Variants in STARD13 observed in about 807,000 individuals in gnomAD.
STARD13 encodes the protein stAR-related lipid transfer protein 13.
Under a neutral mutation model 106.4 loss-of-function variants are expected in STARD13, and 62 were observed. That is an observed-to-expected ratio of 0.58 (90% confidence interval 0.48 to 0.72). STARD13 has a LOEUF of 0.72. STARD13 is among the 30% of genes least tolerant of loss of function. The probability of loss-of-function intolerance (pLI) is 0.00; values close to 1 mark genes in which losing one functional copy is unlikely to be tolerated. For synonymous variants in STARD13, 565 were observed against 553.0 expected (o/e 1.02, Z -0.31); for missense variants, 1,387 against 1,424.0 (o/e 0.97, Z 0.42).
chr13:33,262,289 A>G (rs2138327598), intron 1 of STARD13, among the ~76,000 whole-genome samples: 1 of 152,282 alleles, frequency 6.6e-6, no homozygotes, highest in African/African-American at 2.4e-5. Flanking sequence ...TCAGGTGTCA[A>G]TGGGAAGCTG....
chr13:33,438,532 T>C, the STARD13 span, among the ~76,000 whole-genome samples: 3 of 152,246 alleles, frequency 2.0e-5, no homozygotes, highest in African/African-American at 7.2e-5. Context: ...TTATGCATAG[T>C]TGATGCTACA....
chr13:33,493,262 C>T, the STARD13 span, among the ~76,000 whole-genome samples: 1 of 152,116 alleles, frequency 6.6e-6, no homozygotes, highest in East Asian at 1.9e-4. Flanking sequence ...TCACACAACC[C>T]CTACTTTAGA....
At chr13:33,344,140 C>A (rs914493611), downstream of STARD13, among the ~76,000 whole-genome samples, 5 of 152,082 alleles carry the variant, frequency 3.3e-5, no homozygotes, top group African/African-American at 9.7e-5. Flanking sequence ...ATATGGATAC[C>A]AAGACCCCAT....
intron 1 of STARD13, among the ~76,000 whole-genome samples, chr13:33,270,987 C>T (rs985232374): frequency 1.3e-5 from 2 of 152,188 alleles, no homozygotes; most frequent in Admixed American, 6.5e-5. Context: ...TCATCAATCT[C>T]TTTATGTAAA....
At chr13:33,270,231 G>T (rs1160126177) in intron 1 of STARD13, among the ~76,000 whole-genome samples, 1 of 152,138 alleles carries the variant, frequency 6.6e-6, no homozygotes, top group Non-Finnish European at 1.5e-5. Flanking sequence ...GTGAGACTCG[G>T]CCTAAAACAA....
At chr13:33,594,088 A>G in the STARD13 span, among the ~76,000 whole-genome samples, 1 of 151,888 alleles carries the variant, frequency 6.6e-6, no homozygotes, top group South Asian at 2.1e-4. Flanking sequence ...TTGTATTTTC[A>G]GTAGAGATAG....
intron 1 of STARD13, among the ~76,000 whole-genome samples, chr13:33,331,526 A>ATTTTTTTTTTT (rs35827468): frequency 2.3e-5 from 3 of 130,828 alleles, no homozygotes; most frequent in Non-Finnish European, 3.2e-5. Flanking sequence ...CTGATTTTGT[A>ATTTTTTTTTTT]TTTTTTTTTT....
chr13:33,520,874 T>A, the STARD13 span, among the ~76,000 whole-genome samples: 1 of 152,134 alleles, frequency 6.6e-6, no homozygotes, highest in African/African-American at 2.4e-5. Flanking sequence ...CCAGCTAAAG[T>A]ACAGGCTCAT....
At chr13:33,248,339 T>C (rs1352517057) in intron 1 of STARD13, among the ~76,000 whole-genome samples, 2 of 152,014 alleles carry the variant, frequency 1.3e-5, no homozygotes, top group Non-Finnish European at 2.9e-5. Flanking sequence ...CTTCTCTCTC[T>C]AAAAAAAAGA....
chr13:33,625,401 C>G, the STARD13 span, among the ~76,000 whole-genome samples: 2 of 151,938 alleles, frequency 1.3e-5, no homozygotes, highest in Non-Finnish European at 2.9e-5. Flanking sequence ...GAAACCCCAT[C>G]TCTACTAAAA....
chr13:33,531,099 C>T, the STARD13 span, among the ~76,000 whole-genome samples: 4 of 152,108 alleles, frequency 2.6e-5, no homozygotes, highest in Admixed American at 2.6e-4. Flanking sequence ...GTGAATAAGT[C>T]TTATGAGATC....
At chr13:33,540,525 A>C in the STARD13 span, among the ~76,000 whole-genome samples, 3 of 152,214 alleles carry the variant, frequency 2.0e-5, no homozygotes, top group African/African-American at 7.2e-5. Context: ...ACTACTTAGA[A>C]CTTCTAGCAA....
At chr13:33,660,157 C>G in the STARD13 span, among the ~76,000 whole-genome samples, 1 of 135,148 alleles carries the variant, frequency 7.4e-6, no homozygotes, top group Non-Finnish European at 1.6e-5. Flanking sequence ...CCAGCACAAG[C>G]AGAACCATGG....
At chr13:33,161,424 C>T (rs1221134231) in intron 3 of STARD13, among the ~76,000 whole-genome samples, 1 of 151,984 alleles carries the variant, frequency 6.6e-6, no homozygotes, top group Non-Finnish European at 1.5e-5. Context: ...AAGTGATCCT[C>T]CCATCTCAGC....
the STARD13 span, among the ~76,000 whole-genome samples, chr13:33,657,270 A>T: frequency 3.1e-5 from 2 of 65,102 alleles, no homozygotes; most frequent in South Asian, 7.9e-4. Flanking sequence ...TCCGTCTCAA[A>T]CAAACAAACA....
At chr13:33,308,678 C>T (rs1893019235) in intron 1 of STARD13, among the ~76,000 whole-genome samples, 1 of 151,906 alleles carries the variant, frequency 6.6e-6, no homozygotes, top group African/African-American at 2.4e-5. Context: ...TACCCACCAC[C>T]ACGTCCAGCT....
intron 4 of STARD13, among the ~76,000 whole-genome samples, chr13:33,140,280 G>A (rs1879643066): frequency 6.6e-6 from 1 of 152,160 alleles, no homozygotes; most frequent in Non-Finnish European, 1.5e-5. Flanking sequence ...GCTAATGGTC[G>A]GTATAGGCAG....
At chr13:33,504,335 G>A in the STARD13 span, among the ~76,000 whole-genome samples, 1 of 152,060 alleles carries the variant, frequency 6.6e-6, no homozygotes. Flanking sequence ...AGTCACAATA[G>A]CAAAGACTTT....
the STARD13 span, among the ~76,000 whole-genome samples, chr13:33,356,256 G>A: frequency 2.6e-5 from 4 of 152,226 alleles, no homozygotes; most frequent in East Asian, 7.7e-4. Context: ...TAAAGGTTGA[G>A]TAAGTAATTT....
Sources: gnomAD v4.1 joint callset for allele counts (sites outside exome capture counted in the v4.1 genomes callset) on GRCh38, gnomAD v4.1.1 for gene constraint, MANE v1.5 for transcripts, NCBI Gene and HGNC (gene_info 2026-07-23, HGNC 2026-07-21) for gene names.